TNFAIP8L3: variants seen among roughly 807,000 people sequenced by gnomAD.
TNFAIP8L3 encodes the protein TNF alpha induced protein 8 like 3, also known as tumor necrosis factor alpha-induced protein 8-like protein 3.
Under a neutral mutation model 11.8 loss-of-function variants are expected in TNFAIP8L3, and 7 were observed. The observed-to-expected ratio is 0.59, with a 90% CI of 0.34 to 1.11. The LOEUF (loss-of-function observed/expected upper bound fraction) is 1.11. TNFAIP8L3 is among the 50% of genes most tolerant of loss of function. The pLI is 0.03. For synonymous variants in TNFAIP8L3, 98 were observed against 103.8 expected, an observed-to-expected ratio of 0.94 and a Z score of 0.34; for missense variants, 219 against 258.6, an observed-to-expected ratio of 0.85 and a Z score of 1.05.
Position 51,099,954 on chromosome 15 carries a change from GT to G in TNFAIP8L3, c.172+5050del, listed in dbSNP as rs554062455. ...GATTCCGGAAATAACCAATTGATGAGTTTTTTGTTGCTGTCTAGCAAAAATC... is the reference window on the plus strand; with the variant it reads ...GATTCCGGAAATAACCAATTGATGAGTTTTTGTTGCTGTCTAGCAAAAATC... On this transcript the variant is annotated intron_variant, in intron 1 of 2. Transcript: ENST00000327536. Among the ~76,000 whole-genome samples the G allele has an allele frequency of 3.3e-5, 5 of 152,270 alleles. No individual in the cohort carries two copies. In the East Asian group the frequency reaches 9.6e-4, roughly 29 times the overall value.
chr15:51,058,781 C>G (rs1008467945), intron 1 of TNFAIP8L3, among the ~76,000 whole-genome samples: 2 of 152,234 alleles, frequency 1.3e-5, no homozygotes, highest in African/African-American at 4.8e-5. Flanking sequence ...GAACACTCTA[C>G]CACTGCTGTC....
chr15:51,076,328 T>C (rs1327283763), intron 1 of TNFAIP8L3, among the ~76,000 whole-genome samples: 1 of 152,176 alleles, frequency 6.6e-6, no homozygotes, highest in African/African-American at 2.4e-5. Context: ...GGACCGCTAC[T>C]GTGATGGAAC....
chr15:51,089,869 G>T (rs2065455253), intron 1 of TNFAIP8L3, among the ~76,000 whole-genome samples: 1 of 152,250 alleles, frequency 6.6e-6, no homozygotes, highest in African/African-American at 2.4e-5. Flanking sequence ...ACAGGAACAA[G>T]AAATGGGAAT....
intron 1 of TNFAIP8L3, among the ~76,000 whole-genome samples, chr15:51,076,322 C>T (rs768727998): frequency 9.2e-5 from 14 of 152,086 alleles, no homozygotes; most frequent in Non-Finnish European, 1.9e-4. Flanking sequence ...CTGCTGGGAC[C>T]GCTACTGTGA....
chr15:51,092,565 C>T (rs1177529604), intron 1 of TNFAIP8L3, among the ~76,000 whole-genome samples: 1 of 152,210 alleles, frequency 6.6e-6, no homozygotes, highest in African/African-American at 2.4e-5. Flanking sequence ...GAGATTCAAG[C>T]ACACGCAGAA....
intron 1 of TNFAIP8L3, among the ~76,000 whole-genome samples, chr15:51,076,386 G>A (rs1447092233): frequency 6.6e-6 from 1 of 152,168 alleles, no homozygotes; most frequent in Non-Finnish European, 1.5e-5. Context: ...AATGGGAGGG[G>A]CCAACTAGCT....
chr15:51,076,340 ACT>A (rs1380895768), intron 1 of TNFAIP8L3, among the ~76,000 whole-genome samples: 1 of 151,944 alleles, frequency 6.6e-6, no homozygotes, highest in African/African-American at 2.4e-5. Context: ...TGATGGAACC[ACT>A]CTGAGTCCAG....
chr15:51,097,086 A>G (rs1458678634), upstream of TNFAIP8L3, among the ~76,000 whole-genome samples: 2 of 152,188 alleles, frequency 1.3e-5, no homozygotes, highest in Non-Finnish European at 2.9e-5. Context: ...AGCTTCCTCT[A>G]AAGGTTGTGC....
intron 1 of TNFAIP8L3, among the ~76,000 whole-genome samples, chr15:51,084,568 G>A (rs2065413892): frequency 6.6e-6 from 1 of 152,154 alleles, no homozygotes; most frequent in Non-Finnish European, 1.5e-5. Context: ...TCATGGTTTT[G>A]CTATGAGAAC....
At chr15:51,073,732 C>T (rs919108244) in intron 1 of TNFAIP8L3, among the ~76,000 whole-genome samples, 1 of 152,210 alleles carries the variant, frequency 6.6e-6, no homozygotes, top group African/African-American at 2.4e-5. Context: ...TACATGGCAT[C>T]CTGGTCTTGT....
chr15:51,073,323 C>G (rs2065325674), intron 1 of TNFAIP8L3, among the ~76,000 whole-genome samples: 1 of 152,142 alleles, frequency 6.6e-6, no homozygotes, highest in Non-Finnish European at 1.5e-5. Context: ...GATACTGAAT[C>G]TTCCTCTCCA....
At chr15:51,089,844 T>A (rs541217899) in intron 1 of TNFAIP8L3, among the ~76,000 whole-genome samples, 3 of 152,334 alleles carry the variant, frequency 2.0e-5, no homozygotes, top group Non-Finnish European at 4.4e-5. Flanking sequence ...CAGAGATCCG[T>A]GCAAATTTCA....
intron 1 of TNFAIP8L3, among the ~76,000 whole-genome samples, chr15:51,093,741 C>G (rs1391611839): frequency 1.3e-5 from 2 of 152,066 alleles, no homozygotes; most frequent in African/African-American, 2.4e-5. Flanking sequence ...GCGGAGCGGA[C>G]CGGTGGAGGT....
At chr15:51,104,842 G>C (rs565709008) in intron 1 of TNFAIP8L3, among the ~76,000 whole-genome samples, 1 of 152,334 alleles carries the variant, frequency 6.6e-6, no homozygotes, top group African/African-American at 2.4e-5. Context: ...TATTCTGGCT[G>C]TTCATGAATT....
At position 51,105,038 on chromosome 15, in the gene TNFAIP8L3, AG is replaced by A; in HGVS notation, c.138del (p.Leu47TyrfsTer18). 2 of 1,614,152 alleles carry A rather than the reference AG, an allele frequency of 1.2e-6. No individual in the cohort carries two copies. The highest frequency in any genetic ancestry group is 1.7e-6 in the Non-Finnish European group (2 of 1,180,030). The stretch of plus-strand genomic sequence containing the variant: ...TTTCCCCTCTGAAGATGAAAAGATA[AG>A]GGGATGAGTCTTGTTTGTAACGTGG... On this transcript the variant is annotated frameshift_variant, in exon 1 of 3. Coordinates refer to the TNFAIP8L3 transcript ENST00000327536. LOFTEE classifies it high-confidence loss of function.
intron 1 of TNFAIP8L3, among the ~76,000 whole-genome samples, chr15:51,093,891 T>C (rs1006216880): frequency 6.6e-6 from 1 of 152,082 alleles, no homozygotes; most frequent in African/African-American, 2.4e-5. Context: ...TAACTATCGA[T>C]TGTGAAAAGC....
Position 51,094,719 on chromosome 15 carries a change from T to TGGGCGGTGCGCGGCGGCAGCGGCCA in TNFAIP8L3, c.-149_-125dup. On this transcript the variant is annotated 5_prime_UTR_variant, in exon 1 of 2. Coordinates refer to ENST00000637513, the MANE Select transcript of TNFAIP8L3 (RefSeq NM_001311175.2). This position sits in a 1 kb window ranked among gnomAD's most constrained non-coding sequence, Gnocchi z 4.4. ...CCCGGGCGGCGCGGGCGGCGCGGGCTGGGCGGTGCGCGGCGGCAGCGGCCA... is the reference window on the plus strand; with the variant it reads ...CCCGGGCGGCGCGGGCGGCGCGGGCTGGGCGGTGCGCGGCGGCAGCGGCCAGGGCGGTGCGCGGCGGCAGCGGCCA... 1 of 987,820 alleles carries TGGGCGGTGCGCGGCGGCAGCGGCCA rather than the reference T, an allele frequency of 1.0e-6. No individual in the cohort carries two copies. The highest frequency in any genetic ancestry group is 1.2e-6 in the Non-Finnish European group (1 of 833,318). The allele number at this position is 987,820 out of a possible 1,614,324, so 61.2% of individuals were successfully genotyped here.
At chr15:51,071,467 T>A (rs1403432426) in intron 1 of TNFAIP8L3, among the ~76,000 whole-genome samples, 1 of 152,234 alleles carries the variant, frequency 6.6e-6, no homozygotes, top group Non-Finnish European at 1.5e-5. Flanking sequence ...ATTTCATAAG[T>A]ATGCATGCAT....
chr15:51,094,525 C>T lies in TNFAIP8L3; in HGVS notation c.52+19G>A, dbSNP rs1281036049. 1 of 1,484,294 alleles carries T rather than the reference C, an allele frequency of 6.7e-7. No homozygotes were observed. Among genetic ancestry groups the T allele is most frequent in the East Asian group, 2.9e-5 (1 of 34,286 alleles). The allele number at this position is 1,484,294 out of a possible 1,614,324, so 91.9% of individuals were successfully genotyped here. A position where few individuals can be genotyped will look rare whatever the true frequency, so the allele number is the denominator to read the frequency against. The stretch of plus-strand genomic sequence containing the variant: ...CCAGCCCCAGCCCACCCGCCTGGGC[C>T]GTCGCGGCCCCTAGGTACCTGCGGC... On this transcript the variant is annotated intron_variant, in intron 1 of 1. Coordinates refer to ENST00000637513, the MANE Select transcript of TNFAIP8L3 (RefSeq NM_001311175.2). This position sits in a 1 kb window ranked among gnomAD's most constrained non-coding sequence, Gnocchi z 4.4.
Sources: allele counts gnomAD v4.1 joint callset (sites outside exome capture counted in the v4.1 genomes callset), GRCh38; gene constraint gnomAD v4.1.1; non-coding constraint Gnocchi (gnomAD v3.1); transcripts MANE v1.5; gene names NCBI Gene and HGNC (gene_info 2026-07-23, HGNC 2026-07-21).